PVALB: variants seen among roughly 807,000 people sequenced by gnomAD.
The protein encoded by PVALB is parvalbumin, also known as parvalbumin alpha.
Under a neutral mutation model 10.9 loss-of-function variants are expected in PVALB, and 11 were observed. That is an observed-to-expected ratio of 1.01 (90% CI 0.63 to 1.67). PVALB has a LOEUF of 1.67. PVALB is among the 40% of genes most tolerant of loss of function. PVALB has a pLI of 0.00. For missense variants in PVALB, 131 were observed against 136.2 expected (o/e 0.96, Z 0.19); for synonymous variants, 57 against 50.7 (o/e 1.12, Z -0.53).
intron 3 of PVALB, among the ~76,000 whole-genome samples, chr22:36,803,540 A>G (rs1287771844): frequency 6.7e-6 from 1 of 149,676 alleles, no homozygotes; most frequent in African/African-American, 2.5e-5. Context: ...GGAGGGAGGG[A>G]TAGAGGGATG....
chr22:36,814,932 A>G (rs538944671), intron 2 of PVALB, among the ~76,000 whole-genome samples, 171 bp downstream of exon 2: 1 of 152,282 alleles, frequency 6.6e-6, no homozygotes, highest in East Asian at 1.9e-4. Flanking sequence ...AGCACCAGGA[A>G]GCCTTCTCCC....
rs1938992838 is a variant in PVALB, at chr22:36,808,344, C to CG, written c.304+5301dup. ...GATTCCTGTTGGTCAACACACTCTG[C>CG]GGGGGCAGGCATTGAGTTTGGAAGG... On this transcript the variant is annotated intron_variant, in intron 3 of 3. Coordinates refer to ENST00000417718, the MANE Select transcript of PVALB (RefSeq NM_001315532.2). Among the ~76,000 whole-genome samples, 3 of 151,946 alleles carry CG rather than the reference C, an allele frequency of 2.0e-5. No individual in the cohort carries two copies. In the South Asian group the frequency reaches 6.2e-4, roughly 32 times the overall value.
At position 36,801,645 on chromosome 22, in the gene PVALB, CA is replaced by C. The variant is rs537021997; in HGVS notation, c.305-728del. ...TAAAACCCTGTATCTACTGAAAATG[CA>C]AAAATTAGCTGGGTGTGGTGGCGGA... On this transcript the variant is annotated intron_variant, in intron 3 of 3. Coordinates refer to ENST00000417718, the MANE Select transcript of PVALB (RefSeq NM_001315532.2). Among the ~76,000 whole-genome samples the C allele has an allele frequency of 4.0e-4, 61 of 152,202 alleles. No individual in the cohort carries two copies. The East Asian group carries it at 0.012, about 29-fold the overall frequency.
At chr22:36,801,491 T>A (rs181758631) in intron 3 of PVALB, among the ~76,000 whole-genome samples, 2 of 152,226 alleles carry the variant, frequency 1.3e-5, no homozygotes, top group Non-Finnish European at 1.5e-5. Flanking sequence ...CAAGTGCCCA[T>A]CGCCCTAGAA....
chr22:36,814,172 C>G lies in PVALB; in HGVS notation c.195-417G>C, dbSNP rs555106538. 8.5e-5 allele frequency among the ~76,000 whole-genome samples: 13 copies of G among 152,098 alleles called. 1 individual carries two copies. Among genetic ancestry groups the G allele is most frequent in the Admixed American group, 7.2e-4 (11 of 15,274 alleles). ...GTGATGGGCCGTGGAGGAGGGCACT[C>G]AGAAGCTGTATCTGCCCACCTGCGG... is the stretch of plus-strand genomic sequence containing the variant. On this transcript the variant is annotated intron_variant, in intron 2 of 3. Transcript: ENST00000417718.
chr22:36,812,408 C>T (rs369914251), intron 3 of PVALB, among the ~76,000 whole-genome samples: 6 of 152,206 alleles, frequency 3.9e-5, no homozygotes, highest in South Asian at 2.1e-4. Flanking sequence ...GTGGGTAGAA[C>T]GTGAAGATTC....
At chr22:36,809,446 A>G (rs940047754) in intron 3 of PVALB, among the ~76,000 whole-genome samples, 13 of 150,084 alleles carry the variant, frequency 8.7e-5, no homozygotes, top group African/African-American at 3.2e-4. Flanking sequence ...AAATTAAACT[A>G]TGAATGAATG....
rs541737023 is a variant in PVALB, at chr22:36,801,326, A to G, written c.305-408T>C. 3.3e-5 allele frequency among the ~76,000 whole-genome samples: 5 copies of G among 152,346 alleles called. No individual in the cohort carries two copies. The East Asian group carries it at 9.6e-4, about 29-fold the overall frequency. ...CATTTTGGCATTGTTCCTGTTCTAC[A>G]GATGAAGAAACTGAGGCTCAGGGTC... is the stretch of plus-strand genomic sequence containing the variant. On this transcript the variant is annotated intron_variant, in intron 3 of 3. Transcript: ENST00000417718.
chr22:36,814,921 T>C (rs1262604731), intron 2 of PVALB, among the ~76,000 whole-genome samples, 182 bp downstream of exon 2: 3 of 152,172 alleles, frequency 2.0e-5, no homozygotes, highest in Admixed American at 6.5e-5. Context: ...TCCGAAGCAA[T>C]AGCACCAGGA....
chr22:36,803,761 G>T (rs1355659252), intron 3 of PVALB, among the ~76,000 whole-genome samples: 1 of 152,056 alleles, frequency 6.6e-6, no homozygotes, highest in Non-Finnish European at 1.5e-5. Context: ...CCTTCTTAGG[G>T]ATCAACAAGT....
chr22:36,813,481 T>C (rs994896819), intron 3 of PVALB, 165 bp downstream of exon 3: 1 of 597,494 alleles, frequency 1.7e-6, no homozygotes, highest in Admixed American at 2.9e-5. Context: ...GTCTGGAGTA[T>C]GTGGCAGAGC....
intron 3 of PVALB, among the ~76,000 whole-genome samples, chr22:36,812,615 A>T (rs1217536705): frequency 6.6e-6 from 1 of 151,754 alleles, no homozygotes; most frequent in Non-Finnish European, 1.5e-5. Flanking sequence ...AGTAGTTATC[A>T]AATTACGCAA....
At chr22:36,809,464 G>A (rs1939013091) in intron 3 of PVALB, among the ~76,000 whole-genome samples, 1 of 152,216 alleles carries the variant, frequency 6.6e-6, no homozygotes, top group African/African-American at 2.4e-5. Context: ...ATGAATGAAT[G>A]AATGAAGCAG....
At chr22:36,811,274 T>TATAA (rs1939041992) in intron 3 of PVALB, among the ~76,000 whole-genome samples, 1 of 86,710 alleles carries the variant, frequency 1.2e-5, no homozygotes, top group Non-Finnish European at 2.4e-5. Context: ...AGAGACTGTC[T>TATAA]CTAAATAAAT....
At chr22:36,815,066 G>A (rs1939115780) in intron 2 of PVALB, 37 bp downstream of exon 2, 3 of 1,612,216 alleles carry the variant, frequency 1.9e-6, no homozygotes, top group Non-Finnish European at 2.5e-6. Flanking sequence ...CTCTCGTGCA[G>A]CCGTGGGCTG....
At chr22:36,811,174 G>A (rs768395583) in intron 3 of PVALB, among the ~76,000 whole-genome samples, 4 of 152,158 alleles carry the variant, frequency 2.6e-5, no homozygotes, top group African/African-American at 9.7e-5. Flanking sequence ...TACTCAGGAG[G>A]CTGGGGGAGG....
chr22:36,814,825 T>C (rs1472195691), intron 2 of PVALB, among the ~76,000 whole-genome samples: 2 of 152,212 alleles, frequency 1.3e-5, no homozygotes, highest in Non-Finnish European at 2.9e-5. Flanking sequence ...TTGCATTAAA[T>C]TATTAAGTAG....
intron 3 of PVALB, among the ~76,000 whole-genome samples, chr22:36,802,155 T>C (rs529101738): frequency 3.9e-5 from 6 of 152,312 alleles, no homozygotes; most frequent in Middle Eastern, 3.4e-3. Flanking sequence ...TGTGGTTATG[T>C]AAAATATTAA....
chr22:36,815,068 C>T (rs749767117), intron 2 of PVALB, 35 bp downstream of exon 2: 12 of 1,612,908 alleles, frequency 7.4e-6, no homozygotes, highest in South Asian at 2.2e-5. Context: ...CTCGTGCAGC[C>T]GTGGGCTGGG....
Sources: gnomAD v4.1 joint callset for allele counts (sites outside exome capture counted in the v4.1 genomes callset) on GRCh38, gnomAD v4.1.1 for gene constraint, MANE v1.5 for transcripts, NCBI Gene and HGNC (gene_info 2026-07-23, HGNC 2026-07-21) for gene names.